PRIM2: variants seen among roughly 807,000 people sequenced by gnomAD.
PRIM2 encodes the protein DNA primase subunit 2.
In PRIM2, 39 loss-of-function variants were observed where a neutral mutation model predicts 67.3. That is an observed-to-expected ratio of 0.58 (90% CI 0.45 to 0.76). The LOEUF is 0.76. Among genes scored for constraint, PRIM2 ranks in the 30% least tolerant of loss-of-function variants. The pLI, the probability that PRIM2 is intolerant of heterozygous loss-of-function variation, is 0.00. For missense variants in PRIM2, 398 were observed against 598.7 expected, an observed-to-expected ratio of 0.66 and a Z score of 3.50; for synonymous variants, 143 against 198.7, an observed-to-expected ratio of 0.72 and a Z score of 2.36.
chr6:57,434,603 T>C (rs1771951249), intron 7 of PRIM2, among the ~76,000 whole-genome samples: 1 of 152,206 alleles, frequency 6.6e-6, no homozygotes, highest in African/African-American at 2.4e-5. Flanking sequence ...ATTTTAATTA[T>C]TGAGTAAAAG....
At position 57,386,228 on chromosome 6, in the gene PRIM2, ACAACAACAACAACAACAG is replaced by A. The variant is rs112259196; in HGVS notation, c.693+4078_693+4095del. Among the ~76,000 whole-genome samples, 10 of 131,560 alleles carry A rather than the reference ACAACAACAACAACAACAG, an allele frequency of 7.6e-5. No individual in the cohort carries two copies. The South Asian group carries it at 1.3e-3, about 17-fold the overall frequency. The allele number at this position is 131,560 out of a possible 152,430, so 86.3% of individuals were successfully genotyped here. On this transcript the variant is annotated intron_variant, in intron 7 of 13. Transcript: ENST00000615550. Reference sequence around the variant, plus strand: ...TAGTGAGAATCAGTCTCTACTAAAAACAACAACAACAACAACAGCAACAACAACAACAACAACAAAATA... The same window carrying A: ...TAGTGAGAATCAGTCTCTACTAAAAACAACAACAACAACAACAACAAAATA...
At chr6:57,540,807 G>T (rs1775133295) in intron 10 of PRIM2, among the ~76,000 whole-genome samples, 1 of 152,178 alleles carries the variant, frequency 6.6e-6, no homozygotes, top group Non-Finnish European at 1.5e-5. Flanking sequence ...CACATTCTGT[G>T]CTACTATAGT....
At chr6:57,569,953 A>G (rs1775830592) in intron 10 of PRIM2, among the ~76,000 whole-genome samples, 2 of 152,220 alleles carry the variant, frequency 1.3e-5, no homozygotes, top group East Asian at 3.9e-4. Flanking sequence ...TATGTTAGCC[A>G]GGATGGTCTC....
intron 7 of PRIM2, among the ~76,000 whole-genome samples, chr6:57,461,583 GT>G (rs1331826215): frequency 6.6e-6 from 1 of 151,806 alleles, no homozygotes; most frequent in Non-Finnish European, 1.5e-5. Flanking sequence ...ATGGGCTGTT[GT>G]TTTTTGCAAG....
At chr6:57,461,107 A>G (rs1327415809) in intron 7 of PRIM2, among the ~76,000 whole-genome samples, 23 of 152,222 alleles carry the variant, frequency 1.5e-4, no homozygotes, top group Non-Finnish European at 3.1e-4. Flanking sequence ...AGGAGGGATA[A>G]GGAAAGAGAA....
intron 10 of PRIM2, among the ~76,000 whole-genome samples, chr6:57,575,834 A>G (rs1242664987): frequency 6.5e-4 from 99 of 152,156 alleles, no homozygotes; most frequent in African/African-American, 2.3e-3. Context: ...GCTGTAGTGC[A>G]GTTGTGCGAC....
chr6:57,645,796 T>G, intron 13 of PRIM2, 132 bp from the exon 14 acceptor site: 3 of 617,976 alleles, frequency 4.9e-6, no homozygotes, highest in Non-Finnish European at 8.5e-6. Context: ...GCTGATTAAG[T>G]GTTAGAATGC....
intron 5 of PRIM2, among the ~76,000 whole-genome samples, chr6:57,346,987 G>A (rs1277631102): frequency 2.0e-5 from 3 of 152,042 alleles, no homozygotes; most frequent in Non-Finnish European, 2.9e-5. Context: ...CCCTATTCTG[G>A]ACTTGTCTCC....
the PRIM2 span, among the ~76,000 whole-genome samples, chr6:57,276,883 T>C: frequency 6.7e-6 from 1 of 150,288 alleles, no homozygotes; most frequent in African/African-American, 2.5e-5. Context: ...ACTGAGACCC[T>C]GCCTCAAAAA....
chr6:57,524,449 C>T lies in PRIM2; in HGVS notation c.762-7962C>T, dbSNP rs1192496148. 2.6e-3 allele frequency among the ~76,000 whole-genome samples: 392 copies of T among 152,260 alleles called. 5 individuals carry two copies. The highest frequency in any genetic ancestry group is 9.0e-3 in the African/African-American group (375 of 41,552). On this transcript the variant is annotated intron_variant, in intron 8 of 13. Transcript: ENST00000615550. ...GGGCACGGTGGCTCACGCCTGTAAT[C>T]CCAGCACTTTGGGAGGCCGAGGCGG...
At chr6:57,250,516 G>T in the PRIM2 span, among the ~76,000 whole-genome samples, 4 of 152,118 alleles carry the variant, frequency 2.6e-5, no homozygotes, top group Non-Finnish European at 5.9e-5. Flanking sequence ...AAATCGGGGG[G>T]TATGAAAAAC....
At chr6:57,534,515 A>G (rs1406419463) in intron 9 of PRIM2, among the ~76,000 whole-genome samples, 2 of 152,014 alleles carry the variant, frequency 1.3e-5, no homozygotes, top group African/African-American at 2.4e-5. Flanking sequence ...TTTAATTTTT[A>G]TTATTTGGAC....
chr6:57,640,982 C>A (rs1777223011), intron 13 of PRIM2, among the ~76,000 whole-genome samples: 1 of 151,576 alleles, frequency 6.6e-6, no homozygotes, highest in South Asian at 2.1e-4. Flanking sequence ...TACCTGACTT[C>A]AAACTATACT....
the PRIM2 span, among the ~76,000 whole-genome samples, chr6:57,264,928 C>T: frequency 5.3e-5 from 8 of 152,056 alleles, no homozygotes; most frequent in Non-Finnish European, 1.2e-4. Flanking sequence ...GAGACTGAGA[C>T]TCAGTAATGG....
intron 7 of PRIM2, among the ~76,000 whole-genome samples, chr6:57,448,115 C>G (rs1033635825): frequency 2.6e-5 from 4 of 152,134 alleles, no homozygotes; most frequent in African/African-American, 9.7e-5. Flanking sequence ...TGCACTTTCT[C>G]CAGTGCCGAT....
At chr6:57,307,259 GTT>G in the PRIM2 span, among the ~76,000 whole-genome samples, 948 of 148,168 alleles carry the variant, frequency 6.4e-3, 7 homozygotes, top group African/African-American at 0.022. Flanking sequence ...TTCAAGGATG[GTT>G]TTTTTTTTTG....
the PRIM2 span, among the ~76,000 whole-genome samples, chr6:57,291,028 C>CA: frequency 6.6e-6 from 1 of 151,690 alleles, no homozygotes; most frequent in African/African-American, 2.4e-5. Context: ...GATAGAGACA[C>CA]AAAAAAACCC....
the PRIM2 span, among the ~76,000 whole-genome samples, chr6:57,266,933 C>T: frequency 3.8e-4 from 58 of 152,220 alleles, no homozygotes; most frequent in Non-Finnish European, 5.3e-4. Flanking sequence ...AAGTACTTCA[C>T]ACAGAATCCA....
intron 10 of PRIM2, among the ~76,000 whole-genome samples, chr6:57,560,866 A>G (rs1428788534): frequency 2.6e-5 from 4 of 152,220 alleles, no homozygotes; most frequent in African/African-American, 7.2e-5. Context: ...GGTCACAGGC[A>G]GAGTAGAGTT....
Sources: allele counts gnomAD v4.1 joint callset (sites outside exome capture counted in the v4.1 genomes callset), GRCh38; gene constraint gnomAD v4.1.1; transcripts MANE v1.5; gene names NCBI Gene and HGNC (gene_info 2026-07-23, HGNC 2026-07-21).